ARHGAP25: variants seen among roughly 807,000 people sequenced by gnomAD.
The protein encoded by ARHGAP25 is Rho GTPase activating protein 25, also known as rho GTPase-activating protein 25.
Under a neutral mutation model 71.0 loss-of-function variants are expected in ARHGAP25, and 34 were observed. That is an observed-to-expected ratio of 0.48 (90% CI 0.36 to 0.64). The LOEUF is 0.64. Among genes scored for constraint, ARHGAP25 ranks in the 30% least tolerant of loss-of-function variants. The probability of loss-of-function intolerance (pLI) is 0.00; values close to 1 mark genes in which losing one functional copy is unlikely to be tolerated. For missense variants in ARHGAP25, 706 were observed against 805.1 expected (o/e 0.88, Z 1.49); for synonymous variants, 282 against 296.5 (o/e 0.95, Z 0.50).
intron 1 of ARHGAP25, among the ~76,000 whole-genome samples, chr2:68,739,596 GA>G (rs1558606704): frequency 6.6e-6 from 1 of 152,206 alleles, no homozygotes; most frequent in African/African-American, 2.4e-5. Flanking sequence ...CACCCCAGTC[GA>G]GTGGTCTGAA....
At chr2:68,751,005 T>C (rs562243957) in intron 1 of ARHGAP25, among the ~76,000 whole-genome samples, 4 of 152,358 alleles carry the variant, frequency 2.6e-5, no homozygotes, top group Non-Finnish European at 2.9e-5. Flanking sequence ...CCAGCTGACA[T>C]TTATTTCACC....
At chr2:68,747,439 G>T (rs1675900522) in intron 1 of ARHGAP25, among the ~76,000 whole-genome samples, 1 of 152,176 alleles carries the variant, frequency 6.6e-6, no homozygotes, top group Non-Finnish European at 1.5e-5. Context: ...GACCATCTAA[G>T]CATGGAGTGC....
intron 1 of ARHGAP25, among the ~76,000 whole-genome samples, chr2:68,740,520 CT>C (rs1457364107): frequency 6.6e-6 from 1 of 152,204 alleles, no homozygotes; most frequent in Non-Finnish European, 1.5e-5. Context: ...CTGGAGCCCT[CT>C]CTCCATCTGG....
At position 68,815,143 on chromosome 2, in the gene ARHGAP25, T is replaced by G. The variant is rs1335297426; in HGVS notation, c.808-1146T>G. Reference sequence around the variant, plus strand: ...CCCAGCTTTCTTAATCTCAGCATCTTTGAGAGTTTCCACATCTGTGGCAAT... The same window carrying G: ...CCCAGCTTTCTTAATCTCAGCATCTGTGAGAGTTTCCACATCTGTGGCAAT... On this transcript the variant is annotated intron_variant, in intron 6 of 10. Transcript: ENST00000409202. Among the ~76,000 whole-genome samples the G allele has an allele frequency of 2.0e-5, 3 of 152,330 alleles. No individual in the cohort carries two copies. The East Asian group carries it at 5.8e-4, about 29-fold the overall frequency.
At chr2:68,742,060 T>A (rs1248731069) in intron 1 of ARHGAP25, among the ~76,000 whole-genome samples, 7 of 152,208 alleles carry the variant, frequency 4.6e-5, no homozygotes, top group Admixed American at 4.6e-4. Context: ...CTACCATCTA[T>A]TCTCCTTAAG....
At chr2:68,725,169 G>A (rs1674854271) in intron 2 of ARHGAP25, among the ~76,000 whole-genome samples, 2 of 152,218 alleles carry the variant, frequency 1.3e-5, no homozygotes, top group South Asian at 2.1e-4. Flanking sequence ...ACAATCATGC[G>A]CAGTGAGCTG....
rs770908301 is a variant in ARHGAP25, at chr2:68,816,329, G to A, written c.848G>A (p.Arg283His). The A allele has an allele frequency of 1.6e-5, 26 of 1,613,698 alleles. No homozygotes were observed. The highest frequency in any genetic ancestry group is 6.7e-5 in the Admixed American group (4 of 59,982). The change falls in exon 7 of 11, where the codon CGT becomes CAT. Residue 283 changes from arginine to histidine, a missense_variant. Physicochemically the swap from Arg to His is conservative, Grantham distance 29. Transcript: ENST00000409202. ...ATGAAGCAGCTCTCCATCCTTCCTC[G>A]TGACAACTATAGTCTCCTGAGCTAC... ...ELMKQLSILP[R>H]DNYSLLSYIC...
chr2:68,782,314 A>C lies in ARHGAP25; in HGVS notation c.343A>C (p.Ile115Leu). ...AGCTGGGAAGTTTGTCTTTGAAATC[A>C]TTCCAGGTAGGCCACCACAGGTAGG... ...EEAGKFVFEI[I>L]PASWDQNRMG... The change falls in exon 3 of 11, where the codon ATT (isoleucine) becomes CTT (leucine). Residue 115 changes from isoleucine (I) to leucine (L), a missense_variant. Coordinates refer to ENST00000409202, the MANE Select transcript of ARHGAP25 (RefSeq NM_001007231.3). 1 of 1,614,122 alleles carries C rather than the reference A, an allele frequency of 6.2e-7. No homozygotes were observed. Among genetic ancestry groups the C allele is most frequent in the Non-Finnish European group, 8.5e-7 (1 of 1,179,976 alleles).
At chr2:68,748,954 C>T (rs903218461) in intron 1 of ARHGAP25, among the ~76,000 whole-genome samples, 1 of 152,170 alleles carries the variant, frequency 6.6e-6, no homozygotes, top group African/African-American at 2.4e-5. Flanking sequence ...GGAATCCAAA[C>T]ATGAGAATTA....
At chr2:68,754,420 TATAG>T in intron 1 of ARHGAP25, among the ~76,000 whole-genome samples, 1 of 152,264 alleles carries the variant, frequency 6.6e-6, no homozygotes. Flanking sequence ...TTATGACTTG[TATAG>T]ATAGTTTTGT....
intron 2 of ARHGAP25, among the ~76,000 whole-genome samples, chr2:68,781,295 CAG>C (rs1678316270): frequency 6.6e-6 from 1 of 152,126 alleles, no homozygotes; most frequent in Non-Finnish European, 1.5e-5. Flanking sequence ...GAGGCTGAGA[CAG>C]GAGAATAACT....
At chr2:68,818,040 T>G in intron 8 of ARHGAP25, 46 bp downstream of exon 8, 1 of 1,608,894 alleles carries the variant, frequency 6.2e-7, no homozygotes, top group Non-Finnish European at 8.5e-7. Flanking sequence ...GAAATAACAA[T>G]TACAACATTC....
At chr2:68,792,195 A>G (rs970966687) in intron 4 of ARHGAP25, among the ~76,000 whole-genome samples, 1 of 152,208 alleles carries the variant, frequency 6.6e-6, no homozygotes, top group Non-Finnish European at 1.5e-5. Context: ...GAAACAATGC[A>G]TTACATTGTT....
chr2:68,801,987 A>G (rs1322965355), intron 4 of ARHGAP25, among the ~76,000 whole-genome samples: 1 of 152,206 alleles, frequency 6.6e-6, no homozygotes, highest in Non-Finnish European at 1.5e-5. Flanking sequence ...TGCTCAGCCT[A>G]CATTTGTTGA....
intron 3 of ARHGAP25, among the ~76,000 whole-genome samples, chr2:68,784,208 A>G (rs11680403): frequency 1.3e-5 from 2 of 151,636 alleles, no homozygotes. Context: ...ACACACACAC[A>G]CCACATCTCA....
At chr2:68,753,098 C>A (rs1179320304) in intron 1 of ARHGAP25, among the ~76,000 whole-genome samples, 1 of 152,026 alleles carries the variant, frequency 6.6e-6, no homozygotes, top group Non-Finnish European at 1.5e-5. Context: ...GATAAAACCA[C>A]CCCCCAGTTG....
Position 68,735,186 on chromosome 2 carries a change from A to C in ARHGAP25, c.-14A>C, listed in dbSNP as rs1301851740. On this transcript the variant is annotated 5_prime_UTR_variant, in exon 1 of 11. Transcript: ENST00000409202. ...TCACCGCTTCACTAACTACTCACTTAAACTGGAAGCAAAATGTCCCTAAAA... is the reference window on the plus strand; with the variant it reads ...TCACCGCTTCACTAACTACTCACTTCAACTGGAAGCAAAATGTCCCTAAAA... 1.2e-6 allele frequency: 2 copies of C among 1,612,918 alleles called. No homozygotes were observed. Among genetic ancestry groups the C allele is most frequent in the African/African-American group, 1.3e-5 (1 of 75,024 alleles).
Position 68,822,385 on chromosome 2 carries a change from G to A in ARHGAP25, c.1246G>A (p.Asp416Asn), listed in dbSNP as rs149291667. The change falls in exon 10 of 11, where the codon GAT becomes AAT. Residue 416 changes from aspartate to asparagine, a missense_variant. Asp to Asn is a conservative substitution (Grantham distance 23). Transcript: ENST00000409202. Reference sequence around the variant, plus strand: ...CAGCCCCACCGGACAGCAGCCGAGCGATGCGTTTCCGGAGGACAGCAGCAA... The same window carrying A: ...CAGCCCCACCGGACAGCAGCCGAGCAATGCGTTTCCGGAGGACAGCAGCAA... ...TTSPTGQQPS[D>N]AFPEDSSKVP... The A allele has an allele frequency of 7.0e-5, 113 of 1,614,176 alleles. No homozygotes were observed. Among genetic ancestry groups the A allele is most frequent in the African/African-American group, 4.4e-4 (33 of 75,038 alleles).
chr2:68,799,927 C>T (rs886854260), intron 4 of ARHGAP25, among the ~76,000 whole-genome samples: 17 of 152,292 alleles, frequency 1.1e-4, no homozygotes, highest in Admixed American at 2.6e-4. Context: ...AGTCTTCGGC[C>T]CTGCCATGCC....
Sources: gnomAD v4.1 joint callset for allele counts (sites outside exome capture counted in the v4.1 genomes callset) on GRCh38, gnomAD v4.1.1 for gene constraint, MANE v1.5 for transcripts, NCBI Gene and HGNC (gene_info 2026-07-23, HGNC 2026-07-21) for gene names.